The following HECTD2 variants were observed in gnomAD, a reference collection of about 807,000 sequenced individuals.
HECTD2 encodes the protein HECT domain E3 ubiquitin protein ligase 2, also known as probable E3 ubiquitin-protein ligase HECTD2.
Under a neutral mutation model 103.2 loss-of-function variants are expected in HECTD2, and 35 were observed. That is an observed-to-expected ratio of 0.34 (90% CI 0.26 to 0.45). HECTD2 has a LOEUF of 0.45. Among genes scored for constraint, HECTD2 ranks in the 20% least tolerant of loss-of-function variants. HECTD2 has a pLI of 1.00. For missense variants in HECTD2, 596 were observed against 937.4 expected (o/e 0.64, Z 4.76); for synonymous variants, 281 against 329.9 (o/e 0.85, Z 1.61).
chr10:91,507,642 A>G (rs1488925247), intron 20 of HECTD2, among the ~76,000 whole-genome samples: 4 of 148,966 alleles, frequency 2.7e-5, no homozygotes, highest in Admixed American at 6.7e-5. Flanking sequence ...AAATGGAAGA[A>G]CATTCCATGC....
At chr10:91,426,913 A>G (rs1404922541) in intron 2 of HECTD2, among the ~76,000 whole-genome samples, 1 of 151,046 alleles carries the variant, frequency 6.6e-6, no homozygotes. Flanking sequence ...GGTTAGTTAC[A>G]TATGTATACA....
At chr10:91,503,557 G>T (rs1847002801) in intron 20 of HECTD2, among the ~76,000 whole-genome samples, 1 of 152,168 alleles carries the variant, frequency 6.6e-6, no homozygotes, top group Non-Finnish European at 1.5e-5. Context: ...CCCGAATACT[G>T]CGCTTTTCCG....
Position 91,506,287 on chromosome 10 carries a change from A to G in HECTD2, c.2210+4953A>G, listed in dbSNP as rs1847167204. On this transcript the variant is annotated intron_variant, in intron 20 of 20. Transcript: ENST00000298068. The stretch of plus-strand genomic sequence containing the variant: ...ATAACTAAAATCAGAGCAGAACTGA[A>G]GGAAATAGAGACACAGAAAACCCTT... 2.0e-5 allele frequency among the ~76,000 whole-genome samples: 3 copies of G among 152,384 alleles called. No homozygotes were observed. The South Asian group carries it at 6.2e-4, about 32-fold the overall frequency.
intron 20 of HECTD2, among the ~76,000 whole-genome samples, chr10:91,508,166 AC>A (rs1168873580): frequency 8.2e-6 from 1 of 121,550 alleles, no homozygotes; most frequent in Non-Finnish European, 1.6e-5. Context: ...AACCATAAAA[AC>A]CCTAGAAGAA....
intron 2 of HECTD2, among the ~76,000 whole-genome samples, chr10:91,445,029 G>A (rs540750755): frequency 5.0e-4 from 76 of 152,264 alleles, no homozygotes; most frequent in South Asian, 6.2e-4. Context: ...GGTAGGGGTT[G>A]GCAGTATATT....
At chr10:91,460,990 A>C (rs566850486) in intron 3 of HECTD2, among the ~76,000 whole-genome samples, 13 of 152,350 alleles carry the variant, frequency 8.5e-5, no homozygotes, top group Non-Finnish European at 1.8e-4. Flanking sequence ...CCAGAAGTTT[A>C]GCTATGAAGG....
At chr10:91,491,863 G>A (rs1296528047) in intron 12 of HECTD2, among the ~76,000 whole-genome samples, 1 of 152,028 alleles carries the variant, frequency 6.6e-6, no homozygotes, top group Non-Finnish European at 1.5e-5. Context: ...TTTGTGACAA[G>A]TTTTATTTTG....
rs1025977104 is a variant in HECTD2, at chr10:91,514,548, T to TATTG, written c.*2168_*2171dup. On this transcript the variant is annotated 3_prime_UTR_variant, in exon 21 of 21. Transcript: ENST00000298068. ...TTACATATATAATCTGTTAATGAAT[T>TATTG]ATTGATTTTTGTATCTGCCACAGTA... is the stretch of plus-strand genomic sequence containing the variant. The TATTG allele has an allele frequency of 1.3e-5, 2 of 152,642 alleles. No individual in the cohort carries two copies. Among genetic ancestry groups the TATTG allele is most frequent in the African/African-American group, 4.8e-5 (2 of 41,476 alleles). 9.5% of individuals were successfully genotyped at this position (152,642 alleles called of 1,614,324 possible). A position where few individuals can be genotyped will look rare whatever the true frequency, so the allele number is the denominator to read the frequency against.
chr10:91,488,047 G>T (rs915484076), intron 11 of HECTD2: 4 of 221,374 alleles, frequency 1.8e-5, no homozygotes, highest in Non-Finnish European at 2.7e-5. Flanking sequence ...CTGAGAGCTT[G>T]TTGGACCTCG....
chr10:91,498,896 A>C lies in HECTD2; in HGVS notation c.1780A>C (p.Ile594Leu), dbSNP rs1846784571. Residue 594 changes from isoleucine to leucine, a missense_variant, in exon 17 of 21, where the codon ATC becomes CTC. Ile to Leu is a conservative substitution (Grantham distance 5). This residue lies in a region of HECTD2 where 303 missense variants were observed against 522.5 expected (regional missense o/e 0.58). Transcript: ENST00000298068. ...FQVFQEEFGI[I>L]KSYNLKPGGD... Reference sequence around the variant, plus strand: ...GGTTTTTCAAGAAGAATTTGGAATAATCAAGTCCTATAATTTAAAGCCCGG... The same window carrying C: ...GGTTTTTCAAGAAGAATTTGGAATACTCAAGTCCTATAATTTAAAGCCCGG... 6.2e-7 allele frequency: 1 copy of C among 1,603,240 alleles called. No individual in the cohort carries two copies. Among genetic ancestry groups the C allele is most frequent in the Admixed American group, 1.7e-5 (1 of 59,596 alleles).
At chr10:91,436,983 G>A (rs1003398496) in intron 2 of HECTD2, among the ~76,000 whole-genome samples, 1 of 151,972 alleles carries the variant, frequency 6.6e-6, no homozygotes, top group Non-Finnish European at 1.5e-5. Context: ...ATTAAAATAT[G>A]CTCAGTCTGA....
chr10:91,466,256 A>T (rs1207527826), intron 5 of HECTD2, among the ~76,000 whole-genome samples: 1 of 152,152 alleles, frequency 6.6e-6, no homozygotes, highest in Non-Finnish European at 1.5e-5. Context: ...TGTCTATAGA[A>T]TCAGTGTGAG....
At chr10:91,428,369 T>C (rs1843670552) in intron 2 of HECTD2, among the ~76,000 whole-genome samples, 1 of 150,930 alleles carries the variant, frequency 6.6e-6, no homozygotes, top group Non-Finnish European at 1.5e-5. Context: ...GGCTCTTTTT[T>C]GGTTCCATAT....
In HECTD2 at chr10:91,435,747, A is replaced by G. The variant is rs139505974; in HGVS notation, c.268+10337A>G. On this transcript the variant is annotated intron_variant, in intron 2 of 20. Coordinates refer to ENST00000298068, the MANE Select transcript of HECTD2 (RefSeq NM_182765.6). ...TTTGTATTCATCCCTTGTGCTATAT[A>G]CTCGGTCTAGCAGCTTCATGTCCTT... 3.9e-3 allele frequency among the ~76,000 whole-genome samples: 597 copies of G among 151,816 alleles called. 3 individuals carry two copies. The highest frequency in any genetic ancestry group is 7.1e-3 in the Non-Finnish European group (479 of 67,906).
chr10:91,501,871 T>G (rs1293193848), intron 20 of HECTD2, among the ~76,000 whole-genome samples: 2 of 152,030 alleles, frequency 1.3e-5, no homozygotes, highest in Admixed American at 6.5e-5. Flanking sequence ...TTAATGCTTA[T>G]CAACTTACTC....
At chr10:91,490,934 G>A (rs564159181) in intron 11 of HECTD2, among the ~76,000 whole-genome samples, 2 of 145,054 alleles carry the variant, frequency 1.4e-5, no homozygotes, top group African/African-American at 2.6e-5. Flanking sequence ...TGAGACATAC[G>A]GAAACTGTGA....
chr10:91,449,094 A>G (rs1166959176), intron 2 of HECTD2, among the ~76,000 whole-genome samples: 3 of 151,476 alleles, frequency 2.0e-5, no homozygotes, highest in Non-Finnish European at 4.4e-5. Flanking sequence ...TTTCAGGCCA[A>G]TATCCCTGAT....
intron 5 of HECTD2, among the ~76,000 whole-genome samples, chr10:91,465,097 T>C (rs1369930653): frequency 1.3e-5 from 2 of 152,232 alleles, no homozygotes; most frequent in East Asian, 1.9e-4. Flanking sequence ...GTTTGGGTTT[T>C]TTTCCCCCCT....
Position 91,508,496 on chromosome 10 carries a change from T to G in HECTD2, c.2211-3768T>G, listed in dbSNP as rs1268834892. ...ACAGACACTTCTCAAAAGAAGACAT[T>G]TGTGCAGCCAAAAAACACATGAAAA... On this transcript the variant is annotated intron_variant, in intron 20 of 20. Coordinates refer to ENST00000298068, the MANE Select transcript of HECTD2 (RefSeq NM_182765.6). Among the ~76,000 whole-genome samples, 4 of 151,474 alleles carry G rather than the reference T, an allele frequency of 2.6e-5. No homozygotes were observed. The East Asian group carries it at 5.8e-4, about 22-fold the overall frequency.
Sources: gnomAD v4.1 joint callset for allele counts (sites outside exome capture counted in the v4.1 genomes callset) on GRCh38, gnomAD v4.1.1 for gene constraint, gnomAD v4.1.1 regional missense constraint, MANE v1.5 for transcripts, NCBI Gene and HGNC (gene_info 2026-07-23, HGNC 2026-07-21) for gene names.